The following SMYD1 variants were observed in gnomAD, a reference collection of about 807,000 sequenced individuals.
The protein encoded by SMYD1 is histone-lysine N-methyltransferase SMYD1.
Under a neutral mutation model 54.0 loss-of-function variants are expected in SMYD1, and 49 were observed. That is an observed-to-expected ratio of 0.91 (90% CI 0.72 to 1.15). SMYD1 has a LOEUF of 1.15. Ranked by LOEUF, SMYD1 falls within the 50% of genes most tolerant of loss-of-function variation. The pLI is 0.00. For synonymous variants in SMYD1, 269 were observed against 234.2 expected, an observed-to-expected ratio of 1.15 and a Z score of -1.36; for missense variants, 653 against 639.6, an observed-to-expected ratio of 1.02 and a Z score of -0.23.
At chr2:88,076,480 C>T (rs1196376367) in intron 1 of SMYD1, among the ~76,000 whole-genome samples, 2 of 152,184 alleles carry the variant, frequency 1.3e-5, no homozygotes, top group African/African-American at 2.4e-5. Context: ...GCCTCGGCCT[C>T]CCAAAGTGCT....
At chr2:88,093,496 G>A in intron 4 of SMYD1, 21 bp from the exon 5 acceptor site, 1 of 1,613,956 alleles carries the variant, frequency 6.2e-7, no homozygotes, top group Non-Finnish European at 8.5e-7. Flanking sequence ...TTTCCATATG[G>A]GTGTCTGTTT....
chr2:88,103,172 A>G, intron 7 of SMYD1, 22 bp downstream of exon 7: 1 of 1,565,434 alleles, frequency 6.4e-7, no homozygotes, highest in Non-Finnish European at 8.7e-7. Flanking sequence ...CTTGTTATAG[A>G]GGATGGGGGT....
At chr2:88,093,332 T>G (rs1674503777) in intron 4 of SMYD1, among the ~76,000 whole-genome samples, 185 bp from the exon 5 acceptor site, 1 of 152,210 alleles carries the variant, frequency 6.6e-6, no homozygotes. Context: ...CCAAATTCAG[T>G]GCACTTTCCC....
intron 1 of SMYD1, among the ~76,000 whole-genome samples, chr2:88,080,807 C>T (rs565111371): frequency 6.6e-6 from 1 of 152,240 alleles, no homozygotes; most frequent in South Asian, 2.1e-4. Flanking sequence ...TGGAATGCTA[C>T]CTTGAAAACC....
chr2:88,090,966 C>A (rs1674447052), intron 3 of SMYD1, 46 bp from the exon 4 acceptor site: 4 of 1,575,366 alleles, frequency 2.5e-6, no homozygotes, highest in Non-Finnish European at 3.5e-6. Flanking sequence ...GGATGTTGTT[C>A]TGTCCATGTC....
intron 6 of SMYD1, among the ~76,000 whole-genome samples, chr2:88,097,503 C>T (rs780319172): frequency 1.3e-5 from 2 of 152,242 alleles, no homozygotes; most frequent in Non-Finnish European, 2.9e-5. Context: ...AAAGCACTGA[C>T]TCCTCTTGTC....
At chr2:88,076,697 G>A (rs1314470787) in intron 1 of SMYD1, among the ~76,000 whole-genome samples, 1 of 152,142 alleles carries the variant, frequency 6.6e-6, no homozygotes, top group Non-Finnish European at 1.5e-5. Context: ...CTTGAGGGAT[G>A]GGATGTTCTT....
chr2:88,109,534 T>G (rs1674962177), intron 9 of SMYD1, among the ~76,000 whole-genome samples: 1 of 152,192 alleles, frequency 6.6e-6, no homozygotes, highest in Non-Finnish European at 1.5e-5. Flanking sequence ...GCTGATGTCC[T>G]TGGTGCTTTG....
At chr2:88,080,890 A>T (rs918547627) in intron 1 of SMYD1, among the ~76,000 whole-genome samples, 12 of 149,354 alleles carry the variant, frequency 8.0e-5, no homozygotes, top group African/African-American at 2.9e-4. Flanking sequence ...GAGCTGATGG[A>T]TATATTCATT....
intron 4 of SMYD1, among the ~76,000 whole-genome samples, chr2:88,091,360 A>G (rs1019149985): frequency 2.6e-5 from 4 of 152,204 alleles, no homozygotes; most frequent in African/African-American, 4.8e-5. Flanking sequence ...CTGAATGTGT[A>G]TGTTTCTTGG....
intron 8 of SMYD1, among the ~76,000 whole-genome samples, chr2:88,107,284 A>T (rs1313933047): frequency 6.6e-6 from 1 of 152,186 alleles, no homozygotes; most frequent in Non-Finnish European, 1.5e-5. Flanking sequence ...TTGTCATGCA[A>T]ATTTGTGTTT....
intron 6 of SMYD1, among the ~76,000 whole-genome samples, chr2:88,098,772 T>C (rs1205239072): frequency 6.6e-6 from 1 of 152,170 alleles, no homozygotes; most frequent in East Asian, 1.9e-4. Flanking sequence ...TTGGACTAAC[T>C]TATTAACCAT....
rs1675041172 is a variant in SMYD1, at chr2:88,112,211, C to T, written c.*1699C>T. On this transcript the variant is annotated 3_prime_UTR_variant, in exon 10 of 10. Transcript: ENST00000419482. The stretch of plus-strand genomic sequence containing the variant: ...GCTAGTTCAAATTATCACTCTTTTA[C>T]CTTCATATAAAATGTCTCCCCCAAA... 1.4e-6 allele frequency: 1 copy of T among 696,726 alleles called. No homozygotes were observed. Among genetic ancestry groups the T allele is most frequent in the Non-Finnish European group, 2.6e-6 (1 of 379,984 alleles). 43.2% of individuals were successfully genotyped at this position (696,726 alleles called of 1,614,324 possible).
rs138263245 is a variant in SMYD1, at chr2:88,110,143, A to G, written c.1315-211A>G. On this transcript the variant is annotated intron_variant, in intron 9 of 9. Transcript: ENST00000419482. ...CTTCAGCTACTCTCTCAGGGTTCTG[A>G]CTCCCTCTCCCTGACAAAGTGGGCC... Among the ~76,000 whole-genome samples, 470 of 146,528 alleles carry G rather than the reference A, an allele frequency of 3.2e-3. 5 individuals carry two copies. The highest frequency in any genetic ancestry group is 0.025 in the South Asian group (115 of 4,634).
rs1350479371 is a variant in SMYD1 at position 88,088,037 on chromosome 2, C to G, written c.490C>G (p.Gln164Glu). ...GCAGTACTGGCCGCCGCAGAGCCAG[C>G]AGTTCAGCATGCAGTACATCTCGCA... Reference protein sequence around the residue: ...FLQYWPPQSQQFSMQYISHIF... With the variant: ...FLQYWPPQSQEFSMQYISHIF... Residue 164 changes from glutamine (Q) to glutamate (E), a missense_variant, in exon 3 of 10, where the codon CAG becomes GAG. Physicochemically the swap from Gln to Glu is conservative, Grantham distance 29. Coordinates refer to ENST00000419482, the MANE Select transcript of SMYD1 (RefSeq NM_198274.4). 1.2e-6 allele frequency: 2 copies of G among 1,614,006 alleles called. No individual in the cohort carries two copies. Among genetic ancestry groups the G allele is most frequent in the East Asian group, 4.5e-5 (2 of 44,884 alleles).
chr2:88,110,126 ACTCT>A (rs1310460283), intron 9 of SMYD1, among the ~76,000 whole-genome samples: 2 of 150,498 alleles, frequency 1.3e-5, no homozygotes, highest in Non-Finnish European at 1.5e-5. Flanking sequence ...TCCTTCAGCT[ACTCT>A]CTCAGGGTTC....
Position 88,112,004 on chromosome 2 carries a change from A to G in SMYD1, c.*1492A>G, listed in dbSNP as rs146199411. 72 of 701,494 alleles carry G rather than the reference A, an allele frequency of 1.0e-4. No individual in the cohort carries two copies. In the African/African-American group the frequency reaches 1.2e-3, roughly 12 times the overall value. The allele number at this position is 701,494 out of a possible 1,614,324, so 43.5% of individuals were successfully genotyped here. On this transcript the variant is annotated 3_prime_UTR_variant, in exon 10 of 10. Coordinates refer to ENST00000419482, the MANE Select transcript of SMYD1 (RefSeq NM_198274.4). Reference sequence around the variant, plus strand: ...GATGACCTGCTGTGTCCCTCTGAGCACTACCCAGTGGCTGAAAACTCTGCA... The same window carrying G: ...GATGACCTGCTGTGTCCCTCTGAGCGCTACCCAGTGGCTGAAAACTCTGCA...
In SMYD1 at chr2:88,067,987, A is replaced by G; in HGVS notation, c.123A>G (p.Ala41=). The change falls in exon 1 of 10, where the codon GCA becomes GCG. Residue 41 remains alanine (A), a synonymous_variant. Transcript: ENST00000419482. The part of the protein sequence containing the change: ...DIIFAERAYS[A]VVFDSLVNFV... ...TCTTTGCTGAGCGGGCTTATTCCGCAGTGGTTTTTGACAGGTATGAAATGT... is the reference window on the plus strand; with the variant it reads ...TCTTTGCTGAGCGGGCTTATTCCGCGGTGGTTTTTGACAGGTATGAAATGT... 2 of 1,613,554 alleles carry G rather than the reference A, an allele frequency of 1.2e-6. No homozygotes were observed. The highest frequency in any genetic ancestry group is 1.7e-6 in the Non-Finnish European group (2 of 1,179,954).
intron 4 of SMYD1, among the ~76,000 whole-genome samples, chr2:88,092,598 C>G (rs923377668): frequency 6.6e-6 from 1 of 152,208 alleles, no homozygotes; most frequent in African/African-American, 2.4e-5. Flanking sequence ...AAACCAGGCT[C>G]TTAAGTAATT....
Sources: allele counts gnomAD v4.1 joint callset (sites outside exome capture counted in the v4.1 genomes callset), GRCh38; gene constraint gnomAD v4.1.1; transcripts MANE v1.5; gene names NCBI Gene and HGNC (gene_info 2026-07-23, HGNC 2026-07-21).